Variants in NARF observed in about 807,000 individuals in gnomAD.
NARF encodes nuclear prelamin A recognition factor, also known as iron-only hydrogenase-like protein 2.
A neutral mutation model predicts 48.0 loss-of-function variants in NARF; 41 were observed. That is an observed-to-expected ratio of 0.85 (90% CI 0.66 to 1.11). The LOEUF is 1.11. NARF is among the 50% of genes least tolerant of loss of function. The probability of loss-of-function intolerance (pLI) is 0.00; values close to 1 mark genes in which losing one functional copy is unlikely to be tolerated. For synonymous variants in NARF, 215 were observed against 225.5 expected, an observed-to-expected ratio of 0.95 and a Z score of 0.42; for missense variants, 613 against 590.2, an observed-to-expected ratio of 1.04 and a Z score of -0.40.
chr17:82,475,326 C>T (rs1018789902), intron 5 of NARF, among the ~76,000 whole-genome samples: 2 of 152,302 alleles, frequency 1.3e-5, no homozygotes, highest in Middle Eastern at 3.4e-3. Flanking sequence ...TTAGGCCGGG[C>T]GCAGTGGCTC....
At chr17:82,480,366 G>A (rs1486421112) in intron 6 of NARF, 11 of 401,596 alleles carry the variant, frequency 2.7e-5, no homozygotes, top group South Asian at 1.3e-4. Flanking sequence ...GCTCCACGCC[G>A]GCTGGACTTC....
chr17:82,464,389 C>A lies in NARF; in HGVS notation c.211C>A (p.Gln71Lys). The A allele has an allele frequency of 6.2e-7, 1 of 1,614,000 alleles. No homozygotes were observed. Among genetic ancestry groups the A allele is most frequent in the Non-Finnish European group, 8.5e-7 (1 of 1,179,922 alleles). ...TAEEGVQLSQ[Q>K]NAKDFFRVLN... ...AGAGGAAGGAGTCCAACTTTCCCAG[C>A]AAAATGCCAAGGACTTCTTCCGCGT... Residue 71 changes from glutamine to lysine, a missense_variant, in exon 3 of 11, where the codon CAA (glutamine) becomes AAA (lysine). Coordinates refer to ENST00000309794, the MANE Select transcript of NARF (RefSeq NM_012336.4).
intron 5 of NARF, among the ~76,000 whole-genome samples, chr17:82,476,129 T>G (rs1453356106): frequency 6.6e-6 from 1 of 151,998 alleles, no homozygotes; most frequent in East Asian, 1.9e-4. Context: ...CAACTCAGCC[T>G]CCTGAGAAGT....
chr17:82,467,753 C>T (rs561905045), intron 3 of NARF, among the ~76,000 whole-genome samples: 37 of 152,296 alleles, frequency 2.4e-4, no homozygotes, highest in Admixed American at 1.2e-3. Flanking sequence ...ATCCGCCTGC[C>T]TCAGCCTCCC....
chr17:82,468,985 G>A, intron 4 of NARF, 89 bp downstream of exon 4: 1 of 1,440,572 alleles, frequency 6.9e-7, no homozygotes, highest in South Asian at 1.3e-5. Context: ...CAAGGACGCA[G>A]GGTAGATAAG....
chr17:82,486,024 C>T (rs1340134174), intron 10 of NARF, among the ~76,000 whole-genome samples: 1 of 152,196 alleles, frequency 6.6e-6, no homozygotes, highest in Admixed American at 6.5e-5. Context: ...TGAGCCTTCT[C>T]TGTCCTGAGT....
intron 3 of NARF, among the ~76,000 whole-genome samples, chr17:82,466,193 A>G (rs1199954156): frequency 6.6e-6 from 1 of 152,198 alleles, no homozygotes; most frequent in Admixed American, 6.5e-5. Flanking sequence ...AAACCCTTGA[A>G]AGTGTCTGTG....
chr17:82,483,114 T>C (rs747363985), intron 7 of NARF: 15 of 170,982 alleles, frequency 8.8e-5, no homozygotes, highest in Non-Finnish European at 1.6e-4. Flanking sequence ...GGTCAGGAGT[T>C]CGAGACCAGT....
intron 9 of NARF, 127 bp from the exon 10 acceptor site, chr17:82,485,361 CAGTGAGCCA>C (rs1034078639): frequency 2.2e-6 from 2 of 914,318 alleles, no homozygotes; most frequent in Non-Finnish European, 3.3e-6. Context: ...GCAGAGGTTG[CAGTGAGCCA>C]AGATGGTGCC....
At chr17:82,483,811 G>A (rs755375749) in intron 8 of NARF, 32 bp downstream of exon 8, 1 of 1,606,586 alleles carries the variant, frequency 6.2e-7, no homozygotes, top group South Asian at 1.1e-5. Context: ...AGTCCTCTGG[G>A]GGGCAGGACC....
In NARF at chr17:82,490,016, G is replaced by A. The variant is rs1343682543; in HGVS notation, c.*1859G>A. On this transcript the variant is annotated 3_prime_UTR_variant, in exon 11 of 11. Transcript: ENST00000309794. ...CTAATTGTATTCTTAGTTGAGACGG[G>A]TTTCGCCATGTTGATCGGGCCGGTC... 1 of 152,214 alleles carries A rather than the reference G, an allele frequency of 6.6e-6. No individual in the cohort carries two copies. The highest frequency in any genetic ancestry group is 1.5e-5 in the Non-Finnish European group (1 of 68,050). The allele number at this position is 152,214 out of a possible 1,614,324, so 9.4% of individuals were successfully genotyped here. A position where few individuals can be genotyped will look rare whatever the true frequency, so the allele number is the denominator to read the frequency against.
In NARF at chr17:82,472,299, A is replaced by G. The variant is rs574438402; in HGVS notation, c.386-265A>G. On this transcript the variant is annotated intron_variant, in intron 4 of 10. Transcript: ENST00000309794. ...GGAATTCAAGACCAGCCTGGCCAAC[A>G]TGGTGAAACCTCATCTCTACTAAAA... Among the ~76,000 whole-genome samples, 5 of 152,284 alleles carry G rather than the reference A, an allele frequency of 3.3e-5. No individual in the cohort carries two copies. In the East Asian group the frequency reaches 5.8e-4, roughly 18 times the overall value.
chr17:82,468,031 G>A (rs1236545734), intron 3 of NARF, among the ~76,000 whole-genome samples: 1 of 152,016 alleles, frequency 6.6e-6, no homozygotes, highest in South Asian at 2.1e-4. Flanking sequence ...CAGAGTATTG[G>A]CCAGGCTAGG....
chr17:82,476,488 G>A (rs1198025469), intron 5 of NARF: 1 of 153,816 alleles, frequency 6.5e-6, no homozygotes. Flanking sequence ...GTCTCGCTCT[G>A]TTGCCCAGGC....
At chr17:82,479,201 C>A in intron 6 of NARF, 1 of 268,220 alleles carries the variant, frequency 3.7e-6, no homozygotes, top group Non-Finnish European at 7.2e-6. Flanking sequence ...GCTGCCCACC[C>A]TGCTGAGAAT....
Position 82,487,922 on chromosome 17 carries a change from T to TA in NARF, c.1139dup (p.Asn380LysfsTer15), listed in dbSNP as rs1599859910. 1.2e-6 allele frequency: 2 copies of TA among 1,614,136 alleles called. No homozygotes were observed. Among genetic ancestry groups the TA allele is most frequent in the Non-Finnish European group, 1.7e-6 (2 of 1,180,024 alleles). On this transcript the variant is annotated frameshift_variant, in exon 11 of 11. Coordinates refer to ENST00000309794, the MANE Select transcript of NARF (RefSeq NM_012336.4). LOFTEE classifies it low-confidence loss of function (END_TRUNC). ...ACCTGTGTTTATCTTTCAGGATGCT[T>TA]AAATGGCAGAGGCCAAGCCCAGACT...
At chr17:82,485,337 C>T (rs1020614752) in intron 9 of NARF, among the ~76,000 whole-genome samples, 160 bp from the exon 10 acceptor site, 2 of 151,918 alleles carry the variant, frequency 1.3e-5, no homozygotes, top group African/African-American at 2.4e-5. Flanking sequence ...AGGAGAATGG[C>T]GTGAACCCGG....
rs58302009 is a variant in NARF, at chr17:82,471,791, C to CAAAAA, written c.386-761_386-757dup. ...TGCGCGAAAGAGTGAGACTCCGTCT[C>CAAAAA]AAAAAAAAAAAAAAAAGTATGCCCA... On this transcript the variant is annotated intron_variant, in intron 4 of 10. Transcript: ENST00000309794. 3.6e-3 allele frequency among the ~76,000 whole-genome samples: 234 copies of CAAAAA among 64,592 alleles called. 9 individuals carry two copies. Among genetic ancestry groups the CAAAAA allele is most frequent in the African/African-American group, 0.013 (214 of 16,398 alleles). The allele number at this position is 64,592 out of a possible 152,430, so 42.4% of individuals were successfully genotyped here. A position where few individuals can be genotyped will look rare whatever the true frequency, so the allele number is the denominator to read the frequency against.
At chr17:82,478,605 C>T (rs1168216181) in intron 5 of NARF, 195 bp from the exon 6 acceptor site, 1 of 667,228 alleles carries the variant, frequency 1.5e-6, no homozygotes, top group Admixed American at 2.1e-5. Flanking sequence ...TCCAGGCCTG[C>T]AGGTTCCCAT....
Sources: gnomAD v4.1 joint callset for allele counts (sites outside exome capture counted in the v4.1 genomes callset) on GRCh38, gnomAD v4.1.1 for gene constraint, MANE v1.5 for transcripts, NCBI Gene and HGNC (gene_info 2026-07-23, HGNC 2026-07-21) for gene names.